Variants in ARHGEF18 observed in about 807,000 individuals in gnomAD.
ARHGEF18 encodes Rho/Rac guanine nucleotide exchange factor 18.
Under a neutral mutation model 155.7 loss-of-function variants are expected in ARHGEF18, and 93 were observed. That is an observed-to-expected ratio of 0.60 (90% CI 0.50 to 0.71). ARHGEF18 has a LOEUF of 0.71. Among genes scored for constraint, ARHGEF18 ranks in the 30% least tolerant of loss-of-function variants. ARHGEF18 has a pLI of 0.00. For missense variants in ARHGEF18, 1,593 were observed against 1,816.1 expected (o/e 0.88, Z 2.23); for synonymous variants, 742 against 753.1 (o/e 0.99, Z 0.24).
chr19:7,453,628 C>T lies in ARHGEF18; in HGVS notation c.2017C>T (p.Leu673Phe). Residue 673 changes from leucine (L) to phenylalanine (F), a missense_variant, in exon 17 of 29, where the codon CTC becomes TTC. By Grantham distance (22) the Leu-to-Phe change is conservative. Transcript: ENST00000668164. ...LKSSSKLKNGLTFRKEDMLQR... is the reference protein window; with the variant it reads ...LKSSSKLKNGFTFRKEDMLQR... Reference sequence around the variant, plus strand: ...GTCTTCCAGCAAACTCAAGAACGGGCTCACCTTCCGCAAGGAAGACATGCT... The same window carrying T: ...GTCTTCCAGCAAACTCAAGAACGGGTTCACCTTCCGCAAGGAAGACATGCT... The T allele has an allele frequency of 1.2e-6, 2 of 1,612,528 alleles. No homozygotes were observed. Among genetic ancestry groups the T allele is most frequent in the Non-Finnish European group, 1.7e-6 (2 of 1,178,846 alleles).
chr19:7,439,657 T>A, intron 10 of ARHGEF18: 2 of 1,165,726 alleles, frequency 1.7e-6, no homozygotes, highest in African/African-American at 3.2e-5. Context: ...ATGCTAGAAT[T>A]CTGTTCGAGT....
intron 10 of ARHGEF18, among the ~76,000 whole-genome samples, chr19:7,439,012 C>T (rs771135168): frequency 6.6e-6 from 1 of 152,096 alleles, no homozygotes; most frequent in African/African-American, 2.4e-5. Flanking sequence ...GCTGAGATTA[C>T]AGGCATCCAC....
chr19:7,395,001 G>C lies in ARHGEF18; in HGVS notation c.967+11798G>C, dbSNP rs934411228. ...AGCCGACGCCCCCTCACCACGGCTC[G>C]GGGAGCAGCAGCCCCAGGTCCCCGG... On this transcript the variant is annotated intron_variant, in intron 10 of 28. Transcript: ENST00000668164. The surrounding 1 kb of genome is among the most constrained non-coding windows in gnomAD (Gnocchi z 5.0). 10 of 970,340 alleles carry C rather than the reference G, an allele frequency of 1.0e-5. No individual in the cohort carries two copies. Among genetic ancestry groups the C allele is most frequent in the African/African-American group, 5.3e-5 (3 of 56,854 alleles). 60.1% of individuals were successfully genotyped at this position (970,340 alleles called of 1,614,324 possible). A position where few individuals can be genotyped will look rare whatever the true frequency, so the allele number is the denominator to read the frequency against.
At chr19:7,443,152 G>T (rs1340189251) in intron 13 of ARHGEF18, among the ~76,000 whole-genome samples, 1 of 148,642 alleles carries the variant, frequency 6.7e-6, no homozygotes, top group Non-Finnish European at 1.5e-5. Context: ...CACCTCCCGG[G>T]TTCAAGCAAT....
intron 10 of ARHGEF18, among the ~76,000 whole-genome samples, chr19:7,406,494 G>A (rs529962955): frequency 6.6e-6 from 1 of 152,250 alleles, no homozygotes; most frequent in East Asian, 1.9e-4. Context: ...CTGGCCGTGT[G>A]CCTATACTCC....
chr19:7,437,959 TA>T (rs1974365641), intron 10 of ARHGEF18, among the ~76,000 whole-genome samples: 1 of 151,410 alleles, frequency 6.6e-6, no homozygotes, highest in Non-Finnish European at 1.5e-5. Flanking sequence ...ATCAGATTTC[TA>T]TTTCTCTTCT....
intron 3 of ARHGEF18, among the ~76,000 whole-genome samples, chr19:7,373,337 C>T (rs776501725): frequency 1.5e-4 from 23 of 152,082 alleles, no homozygotes; most frequent in Non-Finnish European, 2.9e-4. Context: ...AATAATTATA[C>T]AATTCATCAT....
intron 14 of ARHGEF18, among the ~76,000 whole-genome samples, chr19:7,446,295 C>T (rs1224208418): frequency 6.6e-6 from 1 of 151,704 alleles, no homozygotes; most frequent in Non-Finnish European, 1.5e-5. Context: ...TCACTCAGAC[C>T]CGGAAGGCAG....
At chr19:7,460,684 G>A (rs1264972643) in intron 20 of ARHGEF18, among the ~76,000 whole-genome samples, 3 of 152,102 alleles carry the variant, frequency 2.0e-5, no homozygotes, top group African/African-American at 4.8e-5. Context: ...GTGGTATTAA[G>A]GTTCGCCCGC....
At chr19:7,387,648 G>A (rs1033289224) in intron 10 of ARHGEF18, among the ~76,000 whole-genome samples, 1 of 152,094 alleles carries the variant, frequency 6.6e-6, no homozygotes, top group South Asian at 2.1e-4. Context: ...TATCACCTTC[G>A]GTGGTTCCCA....
rs1267733559 is a variant in ARHGEF18 at position 7,453,576 on chromosome 19, G to A, written c.1965G>A (p.Arg655=). The A allele has an allele frequency of 1.9e-6, 3 of 1,613,896 alleles. No homozygotes were observed. Among genetic ancestry groups the A allele is most frequent in the Admixed American group, 3.3e-5 (2 of 59,996 alleles). Residue 655 remains arginine (R), a synonymous_variant, in exon 17 of 29, where the codon AGG becomes AGA. Transcript: ENST00000668164. The part of the protein sequence containing the change: ...VSECEKGQRL[R]EIAGKMDLKS... ...AGTGTGAGAAGGGCCAGCGCCTCAG[G>A]GAGATCGCAGGGAAGATGGACCTGA...
Position 7,444,513 on chromosome 19 carries a change from T to C in ARHGEF18, c.1611+59T>C, listed in dbSNP as rs1974872969. 3 of 1,580,972 alleles carry C rather than the reference T, an allele frequency of 1.9e-6. No homozygotes were observed. The highest frequency in any genetic ancestry group is 1.3e-5 in the African/African-American group (1 of 74,172). On this transcript the variant is annotated intron_variant, in intron 14 of 28. Coordinates refer to ENST00000668164, the MANE Select transcript of ARHGEF18 (RefSeq NM_001367823.1). This position sits in a 1 kb window ranked among gnomAD's most constrained non-coding sequence, Gnocchi z 4.7. ...AAAGCCTCTGCCTTGTCTCTGTTCC[T>C]TTCTTCTTTTTTTCTGAGATAGGGT...
chr19:7,362,857 C>T lies in ARHGEF18; in HGVS notation c.-34C>T. 8.1e-7 allele frequency: 1 copy of T among 1,234,348 alleles called. No individual in the cohort carries two copies. The highest frequency in any genetic ancestry group is 1.0e-6 in the Non-Finnish European group (1 of 988,186). 76.5% of individuals were successfully genotyped at this position (1,234,348 alleles called of 1,614,324 possible). A position where few individuals can be genotyped will look rare whatever the true frequency, so the allele number is the denominator to read the frequency against. ...CAGCCACCAAGAGCAGCAGTGGATC[C>T]TGGAAACCTGAGAACCCAGACTTCT... On this transcript the variant is annotated 5_prime_UTR_variant, in exon 2 of 29. Transcript: ENST00000668164.
intron 24 of ARHGEF18, 47 bp downstream of exon 24, chr19:7,467,021 G>A (rs769075554): frequency 2.5e-6 from 4 of 1,612,176 alleles, no homozygotes; most frequent in Middle Eastern, 1.6e-4. Context: ...GTGCACGCGC[G>A]TGTGGCCTCA....
At chr19:7,445,970 G>A (rs940768648) in intron 14 of ARHGEF18, among the ~76,000 whole-genome samples, 10 of 151,880 alleles carry the variant, frequency 6.6e-5, no homozygotes, top group African/African-American at 1.9e-4. Context: ...TTTTTTTCTC[G>A]GCTCTCAGGA....
At chr19:7,388,794 T>G (rs1466362880) in intron 10 of ARHGEF18, among the ~76,000 whole-genome samples, 5 of 151,918 alleles carry the variant, frequency 3.3e-5, no homozygotes, top group African/African-American at 1.2e-4. Context: ...TTGGCCAGGC[T>G]GGTCTCAAAC....
At chr19:7,430,673 T>C (rs975095491) in intron 10 of ARHGEF18, among the ~76,000 whole-genome samples, 2 of 151,952 alleles carry the variant, frequency 1.3e-5, no homozygotes, top group Non-Finnish European at 1.5e-5. Flanking sequence ...GGCATGGTGG[T>C]ATGCGCCTAT....
At chr19:7,420,614 G>A (rs181370331) in intron 10 of ARHGEF18, among the ~76,000 whole-genome samples, 85 of 152,222 alleles carry the variant, frequency 5.6e-4, no homozygotes, top group African/African-American at 1.7e-3. Context: ...ACTCTGTTTC[G>A]TAGAAACACT....
At chr19:7,371,836 T>C (rs1441731387) in intron 2 of ARHGEF18, among the ~76,000 whole-genome samples, 4 of 150,756 alleles carry the variant, frequency 2.7e-5, no homozygotes, top group Non-Finnish European at 5.9e-5. Flanking sequence ...AAAAAAAGGT[T>C]ACGATGATAA....
Sources: allele counts gnomAD v4.1 joint callset (sites outside exome capture counted in the v4.1 genomes callset), GRCh38; gene constraint gnomAD v4.1.1; non-coding constraint Gnocchi (gnomAD v3.1); transcripts MANE v1.5; gene names NCBI Gene and HGNC (gene_info 2026-07-23, HGNC 2026-07-21).